Variants in SGCZ observed in about 807,000 individuals in gnomAD.
SGCZ encodes the protein zeta-sarcoglycan.
SGCZ carries 40 observed loss-of-function variants against 41.3 expected under a neutral mutation model. The ratio of observed to expected loss-of-function variants is 0.97; its 90% CI spans 0.75 to 1.26. The LOEUF is 1.26. SGCZ is among the 50% of genes most tolerant of loss of function. The pLI is 0.00. For synonymous variants in SGCZ, 206 were observed against 137.5 expected (o/e 1.50, Z -3.49); for missense variants, 552 against 369.8 (o/e 1.49, Z -4.04).
In SGCZ at chr8:14,682,382, T is replaced by A. The variant is rs376912217; in HGVS notation, c.40-127456A>T. The stretch of plus-strand genomic sequence containing the variant: ...TGTACAGATTATGTACCACTTTGTA[T>A]AAGTAAAACTTAATTAAAAATGCAC... On this transcript the variant is annotated intron_variant, in intron 1 of 7. Coordinates refer to ENST00000382080, the MANE Select transcript of SGCZ (RefSeq NM_139167.4). Among the ~76,000 whole-genome samples the A allele has an allele frequency of 1.7e-3, 264 of 152,074 alleles. 2 individuals carry two copies. The South Asian group carries it at 0.02, about 12-fold the overall frequency.
intron 1 of SGCZ, among the ~76,000 whole-genome samples, chr8:14,678,526 T>C (rs1322170362): frequency 6.6e-6 from 1 of 152,176 alleles, no homozygotes; most frequent in South Asian, 2.1e-4. Flanking sequence ...AACCATAATA[T>C]TGACAACACC....
chr8:14,660,251 G>A (rs934469510), intron 1 of SGCZ, among the ~76,000 whole-genome samples: 3 of 152,086 alleles, frequency 2.0e-5, no homozygotes, highest in Non-Finnish European at 4.4e-5. Flanking sequence ...AAAATAAAAG[G>A]GTTGAAGGGT....
chr8:14,116,406 G>T (rs186459923), intron 5 of SGCZ, among the ~76,000 whole-genome samples: 100 of 151,900 alleles, frequency 6.6e-4, no homozygotes, highest in Admixed American at 6.2e-3. Context: ...CAATTTTTTT[G>T]GGTCTCTCTG....
At position 14,955,251 on chromosome 8, in the gene SGCZ, G is replaced by A; in HGVS notation, c.39+282334C>T. Reference sequence around the variant, plus strand: ...GCTTCTTTTCTTCAATGTTATGTTTGTGAAACCCATCCATGTTGATGTGTG... The same window carrying A: ...GCTTCTTTTCTTCAATGTTATGTTTATGAAACCCATCCATGTTGATGTGTG... On this transcript the variant is annotated intron_variant, in intron 1 of 7. Coordinates refer to ENST00000382080, the MANE Select transcript of SGCZ (RefSeq NM_139167.4). Among the ~76,000 whole-genome samples the A allele has an allele frequency of 2.0e-5, 3 of 152,148 alleles. No homozygotes were observed. In the East Asian group the frequency reaches 5.8e-4, roughly 29 times the overall value.
chr8:15,125,189 T>A (rs1276274137), intron 1 of SGCZ, among the ~76,000 whole-genome samples: 2 of 152,158 alleles, frequency 1.3e-5, no homozygotes, highest in Non-Finnish European at 2.9e-5. Flanking sequence ...GATGATCGAA[T>A]TACAAAATAA....
At chr8:14,370,249 C>G (rs1803863202) in intron 2 of SGCZ, among the ~76,000 whole-genome samples, 1 of 151,902 alleles carries the variant, frequency 6.6e-6, no homozygotes, top group South Asian at 2.1e-4. Flanking sequence ...GAGTACAGTA[C>G]TCAAAGACAA....
chr8:14,725,905 C>T (rs1209111768), intron 1 of SGCZ, among the ~76,000 whole-genome samples: 1 of 152,124 alleles, frequency 6.6e-6, no homozygotes, highest in Non-Finnish European at 1.5e-5. Flanking sequence ...ATACCTTAAA[C>T]TCAGCAAAAA....
chr8:14,939,283 T>G (rs1800186435), intron 1 of SGCZ, among the ~76,000 whole-genome samples: 1 of 152,274 alleles, frequency 6.6e-6, no homozygotes, highest in East Asian at 1.9e-4. Flanking sequence ...AGACACTCTG[T>G]GTCTCCATTT....
At chr8:14,464,162 G>C (rs192965238) in intron 2 of SGCZ, among the ~76,000 whole-genome samples, 3 of 151,504 alleles carry the variant, frequency 2.0e-5, no homozygotes, top group Non-Finnish European at 4.4e-5. Flanking sequence ...CCTCCTCTTC[G>C]ACATTTGTTA....
At chr8:14,472,304 T>G (rs965382119) in intron 2 of SGCZ, among the ~76,000 whole-genome samples, 27 of 152,078 alleles carry the variant, frequency 1.8e-4, no homozygotes, top group African/African-American at 6.3e-4. Flanking sequence ...TATATTTTAT[T>G]TAAGAAAGCT....
At position 14,808,002 on chromosome 8, in the gene SGCZ, T is replaced by C. The variant is rs1390737185; in HGVS notation, c.40-253076A>G. On this transcript the variant is annotated intron_variant, in intron 1 of 7. Transcript: ENST00000382080. ...GGGAAAGGATTCCCTATTTAATAAATGGTGCTGGGAAAACTGGCTAGCCAT... is the reference window on the plus strand; with the variant it reads ...GGGAAAGGATTCCCTATTTAATAAACGGTGCTGGGAAAACTGGCTAGCCAT... 2.0e-5 allele frequency among the ~76,000 whole-genome samples: 3 copies of C among 151,674 alleles called. No individual in the cohort carries two copies. The East Asian group carries it at 5.8e-4, about 29-fold the overall frequency.
intron 1 of SGCZ, among the ~76,000 whole-genome samples, chr8:14,572,305 AT>A (rs1339882282): frequency 6.6e-5 from 10 of 152,126 alleles, no homozygotes; most frequent in Non-Finnish European, 1.0e-4. Context: ...ATCGCCAATA[AT>A]TTTCTGTAAC....
At chr8:14,445,254 G>T (rs573582193) in intron 2 of SGCZ, among the ~76,000 whole-genome samples, 245 of 152,280 alleles carry the variant, frequency 1.6e-3, no homozygotes, top group Middle Eastern at 6.8e-3. Flanking sequence ...AGCCCAAAGT[G>T]GTAACTTCTA....
Position 14,225,846 on chromosome 8 carries a change from G to C in SGCZ, c.424+11746C>G, listed in dbSNP as rs73530806. 7.0e-3 allele frequency among the ~76,000 whole-genome samples: 1,072 copies of C among 152,146 alleles called. 14 individuals are homozygous for C. The highest frequency in any genetic ancestry group is 0.025 in the African/African-American group (1,023 of 41,538). On this transcript the variant is annotated intron_variant, in intron 4 of 7. Coordinates refer to ENST00000382080, the MANE Select transcript of SGCZ (RefSeq NM_139167.4). The stretch of plus-strand genomic sequence containing the variant: ...GTCTAAACTTGCTTTAAATCAATAA[G>C]AAGGCTTGAGTTATTTCAATAATGA...
At position 14,089,610 on chromosome 8, in the gene SGCZ, A is replaced by T. The variant is rs542622621; in HGVS notation, c.*833T>A. Among the ~76,000 whole-genome samples, 1 of 152,164 alleles carries T rather than the reference A, an allele frequency of 6.6e-6. No homozygotes were observed. Among genetic ancestry groups the T allele is most frequent in the African/African-American group, 2.4e-5 (1 of 41,546 alleles). On this transcript the variant is annotated 3_prime_UTR_variant, in exon 8 of 8. Transcript: ENST00000382080. ...AATCATCTATGGATTTAATACCATCAACATATCCTTCTTAATCCTGTCTTA... is the reference window on the plus strand; with the variant it reads ...AATCATCTATGGATTTAATACCATCTACATATCCTTCTTAATCCTGTCTTA...
At chr8:14,947,779 T>G (rs939812780) in intron 1 of SGCZ, among the ~76,000 whole-genome samples, 3 of 152,200 alleles carry the variant, frequency 2.0e-5, no homozygotes, top group African/African-American at 7.2e-5. Flanking sequence ...TCAGGGCATC[T>G]CGTTCAGTAT....
chr8:14,274,186 C>T lies in SGCZ; in HGVS notation c.337-36507G>A, dbSNP rs183769343. Among the ~76,000 whole-genome samples the T allele has an allele frequency of 7.2e-3, 1,089 of 151,968 alleles. 9 individuals carry two copies. Among genetic ancestry groups the T allele is most frequent in the South Asian group, 0.017 (84 of 4,820 alleles). On this transcript the variant is annotated intron_variant, in intron 3 of 7. Coordinates refer to ENST00000382080, the MANE Select transcript of SGCZ (RefSeq NM_139167.4). ...CTATTGTTGTTTTTGCTTTTTCAAA[C>T]GGTAATGAAGTAAATTGTATTGCAA...
chr8:14,881,122 T>C (rs1041696026), intron 1 of SGCZ, among the ~76,000 whole-genome samples: 5 of 152,090 alleles, frequency 3.3e-5, no homozygotes, highest in African/African-American at 1.2e-4. Context: ...TGCCTACAAC[T>C]TATTTTACAT....
At chr8:14,436,492 G>A (rs1021631865) in intron 2 of SGCZ, among the ~76,000 whole-genome samples, 2 of 152,128 alleles carry the variant, frequency 1.3e-5, no homozygotes, top group Non-Finnish European at 2.9e-5. Flanking sequence ...AGGGATTTGT[G>A]AGGTCAAAAT....
Sources: allele counts gnomAD v4.1 joint callset (sites outside exome capture counted in the v4.1 genomes callset), GRCh38; gene constraint gnomAD v4.1.1; transcripts MANE v1.5; gene names NCBI Gene and HGNC (gene_info 2026-07-23, HGNC 2026-07-21).